The following WIZ variants were observed in gnomAD, a reference collection of about 807,000 sequenced individuals.
The protein encoded by WIZ is protein Wiz.
WIZ carries 25 observed loss-of-function variants against 140.2 expected under a neutral mutation model. The ratio of observed to expected loss-of-function variants is 0.18; its 90% CI spans 0.13 to 0.25. WIZ has a LOEUF of 0.25. Ranked by LOEUF, WIZ falls within the 10% of genes least tolerant of loss-of-function variation. The probability of loss-of-function intolerance (pLI) is 1.00; values close to 1 mark genes in which losing one functional copy is unlikely to be tolerated. For missense variants in WIZ, 2,231 were observed against 2,632.6 expected (o/e 0.85, Z 3.34); for synonymous variants, 1,125 against 1,154.3 (o/e 0.97, Z 0.51).
rs996887673 is a variant in WIZ at position 15,428,805 on chromosome 19, T to C, written c.3416-297A>G. On this transcript the variant is annotated intron_variant, in intron 7 of 12. Coordinates refer to ENST00000673675, the MANE Select transcript of WIZ (RefSeq NM_001371589.1). This position sits in a 1 kb window ranked among gnomAD's most constrained non-coding sequence, Gnocchi z 6.4. ...CTAGGATCCCTGCTATGGGAGCTAT[T>C]TGGGGGCGATGGTGGCTGCTGGGCT... 1.3e-4 allele frequency among the ~76,000 whole-genome samples: 20 copies of C among 152,084 alleles called. No homozygotes were observed. Among genetic ancestry groups the C allele is most frequent in the African/African-American group, 4.8e-4 (20 of 41,408 alleles).
Position 15,442,578 on chromosome 19 carries a change from C to T in WIZ, c.278+98G>A. 2.1e-6 allele frequency: 2 copies of T among 969,054 alleles called. No homozygotes were observed. Among genetic ancestry groups the T allele is most frequent in the Non-Finnish European group, 2.7e-6 (2 of 747,860 alleles). 60.0% of individuals were successfully genotyped at this position (969,054 alleles called of 1,614,324 possible). ...CTCCTGCCTGGCCTCCTGATTCCCT[C>T]CTGTCCCCTTCTCATTCCCCAGGGG... is the stretch of plus-strand genomic sequence containing the variant. On this transcript the variant is annotated intron_variant, in intron 3 of 12. Transcript: ENST00000673675. This position sits in a 1 kb window ranked among gnomAD's most constrained non-coding sequence, Gnocchi z 5.5.
chr19:15,424,402 G>A lies in WIZ; in HGVS notation c.5315-24C>T, dbSNP rs2145200878. The stretch of plus-strand genomic sequence containing the variant: ...TTCTAAGGTGGAGAGGGGGACGGGA[G>A]ATGAGTGGGAGGGGTGGATGCTGCA... On this transcript the variant is annotated intron_variant, in intron 11 of 12. Transcript: ENST00000673675. This position sits in a 1 kb window ranked among gnomAD's most constrained non-coding sequence, Gnocchi z 9.7. 1 of 1,595,634 alleles carries A rather than the reference G, an allele frequency of 6.3e-7. No homozygotes were observed. The highest frequency in any genetic ancestry group is 1.4e-5 in the African/African-American group (1 of 73,446).
intron 2 of WIZ, among the ~76,000 whole-genome samples, chr19:15,447,776 A>T (rs1969970476): frequency 1.3e-5 from 2 of 152,116 alleles, no homozygotes; most frequent in African/African-American, 4.8e-5. Flanking sequence ...CCTGTGGAAT[A>T]AGTGGGCTGG....
chr19:15,424,123 G>A lies in WIZ; in HGVS notation c.5510+60C>T. The A allele has an allele frequency of 7.1e-7, 1 of 1,406,754 alleles. No individual in the cohort carries two copies. Among genetic ancestry groups the A allele is most frequent in the Non-Finnish European group, 9.3e-7 (1 of 1,069,750 alleles). 87.1% of individuals were successfully genotyped at this position (1,406,754 alleles called of 1,614,324 possible). On this transcript the variant is annotated intron_variant, in intron 12 of 12. Coordinates refer to ENST00000673675, the MANE Select transcript of WIZ (RefSeq NM_001371589.1). The surrounding 1 kb of genome is among the most constrained non-coding windows in gnomAD (Gnocchi z 9.7). ...TCCACCAAACCCTATCCTGTTCCAA[G>A]GCTCCGGGTGACCAAGGTCCACTCA...
Position 15,421,401 on chromosome 19 carries a change from A to T in WIZ, c.*1675T>A, listed in dbSNP as rs1443677289. 1 of 152,302 alleles carries T rather than the reference A, an allele frequency of 6.6e-6. No homozygotes were observed. Among genetic ancestry groups the T allele is most frequent in the Non-Finnish European group, 1.5e-5 (1 of 68,058 alleles). The allele number at this position is 152,302 out of a possible 1,614,324, so 9.4% of individuals were successfully genotyped here. Reference sequence around the variant, plus strand: ...AGGGGTATGGTGGGAGGGCCCAGAAAGCAGGGCTGGGGGTAGAGGTGGCCC... The same window carrying T: ...AGGGGTATGGTGGGAGGGCCCAGAATGCAGGGCTGGGGGTAGAGGTGGCCC... On this transcript the variant is annotated 3_prime_UTR_variant, in exon 13 of 13. Coordinates refer to ENST00000673675, the MANE Select transcript of WIZ (RefSeq NM_001371589.1).
Position 15,428,621 on chromosome 19 carries a change from A to G in WIZ, c.3416-113T>C, listed in dbSNP as rs1334765855. On this transcript the variant is annotated intron_variant, in intron 7 of 12. Transcript: ENST00000673675. This position sits in a 1 kb window ranked among gnomAD's most constrained non-coding sequence, Gnocchi z 6.4. ...GGCTGCTCAGGCAGTTGGGGGGTCC[A>G]AGACTCAGGCCGCAGATTTCTTTTG... 5 of 1,278,404 alleles carry G rather than the reference A, an allele frequency of 3.9e-6. No individual in the cohort carries two copies. The East Asian group carries it at 1.3e-4, about 32-fold the overall frequency. The allele number at this position is 1,278,404 out of a possible 1,614,324, so 79.2% of individuals were successfully genotyped here. A position where few individuals can be genotyped will look rare whatever the true frequency, so the allele number is the denominator to read the frequency against.
At position 15,429,704 on chromosome 19, in the gene WIZ, C is replaced by G. The variant is rs1171608894; in HGVS notation, c.3297G>C (p.Ala1099=). The G allele has an allele frequency of 2.8e-6, 4 of 1,445,228 alleles. No individual in the cohort carries two copies. Among genetic ancestry groups the G allele is most frequent in the Non-Finnish European group, 3.6e-6 (4 of 1,102,578 alleles). 89.5% of individuals were successfully genotyped at this position (1,445,228 alleles called of 1,614,324 possible). A position where few individuals can be genotyped will look rare whatever the true frequency, so the allele number is the denominator to read the frequency against. Reference sequence around the variant, plus strand: ...CAGGATTCTTAGGGGTAGGGGAGCCCGCCAGGGCCAGTGGTGTCTTTTTGA... The same window carrying G: ...CAGGATTCTTAGGGGTAGGGGAGCCGGCCAGGGCCAGTGGTGTCTTTTTGA... ...PLLKKTPLAL[A]GSPTPKNPED... is the part of the protein sequence containing the mutation. Residue 1099 remains alanine, a synonymous_variant, in exon 7 of 13, where the codon GCG becomes GCC. Coordinates refer to ENST00000673675, the MANE Select transcript of WIZ (RefSeq NM_001371589.1).
intron 5 of WIZ, 127 bp downstream of exon 5, chr19:15,436,679 A>T (rs1449399771): frequency 2.0e-6 from 2 of 997,300 alleles, no homozygotes; most frequent in Non-Finnish European, 2.8e-6. Flanking sequence ...AGTCATCAAC[A>T]TACTTTGTAA....
chr19:15,423,950 G>GT lies in WIZ; in HGVS notation c.5510+232dup, dbSNP rs999742864. ...GTGAGGAAATTGAGGTAAGGAGCAGGTAAGTCCTTCCCTGAGGTCACTAAG... is the reference window on the plus strand; with the variant it reads ...GTGAGGAAATTGAGGTAAGGAGCAGGTTAAGTCCTTCCCTGAGGTCACTAAG... On this transcript the variant is annotated intron_variant, in intron 12 of 12. Transcript: ENST00000673675. The GT allele has an allele frequency of 1.6e-4, 74 of 452,214 alleles. 2 individuals are homozygous for GT. The East Asian group carries it at 1.8e-3, about 11-fold the overall frequency. 28.0% of individuals were successfully genotyped at this position (452,214 alleles called of 1,614,324 possible). A position where few individuals can be genotyped will look rare whatever the true frequency, so the allele number is the denominator to read the frequency against.
chr19:15,426,867 T>C, intron 9 of WIZ, 115 bp downstream of exon 9: 1 of 1,273,752 alleles, frequency 7.9e-7, no homozygotes, highest in Non-Finnish European at 1.1e-6. Flanking sequence ...GTGTCCTCTC[T>C]ACCTGCGTGT....
rs1444373953 is a variant in WIZ at position 15,448,385 on chromosome 19, G to A, written c.-60-18C>T. The A allele has an allele frequency of 1.3e-6, 2 of 1,552,250 alleles. No homozygotes were observed. Among genetic ancestry groups the A allele is most frequent in the Non-Finnish European group, 1.7e-6 (2 of 1,145,108 alleles). ...TTGTGGGCCTGGGGATAGAGAGAAG[G>A]AAGTGCTTAGGGGATGGAGGAAAGG... is the stretch of plus-strand genomic sequence containing the variant. On this transcript the variant is annotated intron_variant, in intron 1 of 12. Transcript: ENST00000673675.
chr19:15,441,989 C>G (rs933008189), intron 3 of WIZ, among the ~76,000 whole-genome samples: 1 of 152,068 alleles, frequency 6.6e-6, no homozygotes, highest in Non-Finnish European at 1.5e-5. Flanking sequence ...GAGTTCTCGA[C>G]CAGCCTGACC....
At position 15,427,347 on chromosome 19, in the gene WIZ, G is replaced by A. The variant is rs775690818; in HGVS notation, c.4001C>T (p.Pro1334Leu). ...EILKRRTQSR[P>L]GGPPNPPGPS... ...CCCTGGTGGGTTGGGAGGTCCACCA[G>A]GCCGAGACTGGGTCCGTCTCTTCAG... Residue 1334 changes from proline to leucine, a missense_variant, in exon 9 of 13, where the codon CCT becomes CTT. Pro to Leu is a moderately conservative substitution (Grantham distance 98). Transcript: ENST00000673675. The surrounding 1 kb of genome is among the most constrained non-coding windows in gnomAD (Gnocchi z 6.4). 1 of 1,613,700 alleles carries A rather than the reference G, an allele frequency of 6.2e-7. No homozygotes were observed. Among genetic ancestry groups the A allele is most frequent in the South Asian group, 1.1e-5 (1 of 91,074 alleles).
At chr19:15,423,994 G>C in intron 12 of WIZ, 189 bp downstream of exon 12, 1 of 503,092 alleles carries the variant, frequency 2.0e-6, no homozygotes, top group South Asian at 3.9e-5. Flanking sequence ...TGGCAGAGTT[G>C]GGATTTGAAC....
intron 7 of WIZ, 79 bp downstream of exon 7, chr19:15,429,507 T>TG: frequency 4.9e-5 from 39 of 791,396 alleles, no homozygotes; most frequent in Non-Finnish European, 6.2e-5. Context: ...CTGGGCCCTG[T>TG]CCCTGGGCTA....
intron 1 of WIZ, 94 bp from the exon 2 acceptor site, chr19:15,448,461 G>T (rs1568318192): frequency 1.1e-6 from 1 of 942,670 alleles, no homozygotes; most frequent in East Asian, 2.7e-5. Context: ...CAACTTTGCA[G>T]CTCACTGCCT....
Position 15,428,461 on chromosome 19 carries a change from C to A in WIZ, c.3463G>T (p.Ala1155Ser), listed in dbSNP as rs1485888695. ...AGGCCCTTGCGGGTCTCAAACCAGG[C>A]ACCGCACAGCTGGCAGTCCAGCTCT... ...GRELDCQLCG[A>S]WFETRKGLSS... The change falls in exon 8 of 13, where the codon GCC becomes TCC. Residue 1155 changes from alanine to serine, a missense_variant. Physicochemically the swap from Ala to Ser is moderately conservative, Grantham distance 99. This residue lies in a region of WIZ where 39 missense variants were observed against 74.9 expected (regional missense o/e 0.52). Transcript: ENST00000673675. This position sits in a 1 kb window ranked among gnomAD's most constrained non-coding sequence, Gnocchi z 6.4. 2.0e-6 allele frequency: 3 copies of A among 1,535,628 alleles called. No homozygotes were observed. Among genetic ancestry groups the A allele is most frequent in the South Asian group, 2.4e-5 (2 of 84,060 alleles).
chr19:15,445,498 G>C (rs1189788441), intron 2 of WIZ, among the ~76,000 whole-genome samples: 1 of 152,180 alleles, frequency 6.6e-6, no homozygotes, highest in African/African-American at 2.4e-5. Context: ...GATCAGGGCT[G>C]GTTCAGCGAT....
chr19:15,422,348 A>AC lies in WIZ; in HGVS notation c.*727dup, dbSNP rs894424471. The AC allele has an allele frequency of 2.0e-5, 3 of 151,792 alleles. No homozygotes were observed. The highest frequency in any genetic ancestry group is 4.4e-5 in the Non-Finnish European group (3 of 67,952). The allele number at this position is 151,792 out of a possible 1,614,324, so 9.4% of individuals were successfully genotyped here. A position where few individuals can be genotyped will look rare whatever the true frequency, so the allele number is the denominator to read the frequency against. The stretch of plus-strand genomic sequence containing the variant: ...AGCAGGAGTGGGGGAGGAGAGTCCC[A>AC]CCCCCCAACCCCACCCTCCAGGGCC... On this transcript the variant is annotated 3_prime_UTR_variant, in exon 13 of 13. Coordinates refer to ENST00000673675, the MANE Select transcript of WIZ (RefSeq NM_001371589.1).
Sources: allele counts gnomAD v4.1 joint callset (sites outside exome capture counted in the v4.1 genomes callset), GRCh38; gene constraint gnomAD v4.1.1; regional missense constraint gnomAD v4.1.1; non-coding constraint Gnocchi (gnomAD v3.1); transcripts MANE v1.5; gene names NCBI Gene and HGNC (gene_info 2026-07-23, HGNC 2026-07-21).